Variants in EYA1 observed in about 807,000 individuals in gnomAD.
EYA1 encodes the protein EYA transcriptional coactivator and phosphatase 1, also known as protein phosphatase EYA1.
Under a neutral mutation model 82.0 loss-of-function variants are expected in EYA1, and 16 were observed. The ratio of observed to expected loss-of-function variants is 0.20; its 90% CI spans 0.13 to 0.30. EYA1 has a LOEUF of 0.30. Ranked by LOEUF, EYA1 falls within the 10% of genes least tolerant of loss-of-function variation. EYA1 has a pLI of 1.00. For missense variants in EYA1, 633 were observed against 730.7 expected (o/e 0.87, Z 1.54); for synonymous variants, 261 against 264.4 (o/e 0.99, Z 0.12).
intron 11 of EYA1, among the ~76,000 whole-genome samples, chr8:71,261,156 T>C (rs1217154589): frequency 6.6e-6 from 1 of 152,122 alleles, no homozygotes; most frequent in East Asian, 1.9e-4. Flanking sequence ...GAAACATTGT[T>C]TTTTTAAAAA....
At chr8:71,494,809 C>T (rs1157791699) in intron 2 of EYA1, among the ~76,000 whole-genome samples, 4 of 151,884 alleles carry the variant, frequency 2.6e-5, no homozygotes, top group African/African-American at 7.3e-5. Context: ...ACTGAATTAA[C>T]CATGAGAAAC....
At chr8:71,377,354 C>A (rs1828433903) in intron 2 of EYA1, among the ~76,000 whole-genome samples, 1 of 152,076 alleles carries the variant, frequency 6.6e-6, no homozygotes, top group Non-Finnish European at 1.5e-5. Flanking sequence ...TGGGAGAGAC[C>A]CCAAGCAATA....
chr8:71,469,251 T>C (rs982079945), intron 2 of EYA1, among the ~76,000 whole-genome samples: 2 of 152,238 alleles, frequency 1.3e-5, no homozygotes, highest in East Asian at 3.9e-4. Context: ...ATGTGGTAAG[T>C]ACTGGGTGTG....
intron 2 of EYA1, among the ~76,000 whole-genome samples, chr8:71,523,320 A>G (rs1339702178): frequency 6.6e-6 from 1 of 151,630 alleles, no homozygotes; most frequent in Non-Finnish European, 1.5e-5. Flanking sequence ...CTGGGACTAC[A>G]GGCACCCGCC....
chr8:71,202,709 C>T (rs1807205724), intron 17 of EYA1, among the ~76,000 whole-genome samples: 3 of 152,290 alleles, frequency 2.0e-5, no homozygotes, highest in Admixed American at 2.0e-4. Flanking sequence ...GGGGACACTC[C>T]ACCCACAAGG....
At chr8:71,280,099 A>G (rs1034777999) in intron 9 of EYA1, among the ~76,000 whole-genome samples, 13 of 152,232 alleles carry the variant, frequency 8.5e-5, no homozygotes, top group South Asian at 2.1e-4. Flanking sequence ...GGCCAGGTGC[A>G]GGCACCAAGT....
chr8:71,432,867 C>T (rs557260802), intron 2 of EYA1, among the ~76,000 whole-genome samples: 1 of 152,282 alleles, frequency 6.6e-6, no homozygotes, highest in East Asian at 1.9e-4. Context: ...GACAATGAGA[C>T]ATTGTACAAA....
chr8:71,431,265 G>C (rs1173975523), intron 2 of EYA1, among the ~76,000 whole-genome samples: 3 of 152,156 alleles, frequency 2.0e-5, no homozygotes, highest in African/African-American at 7.2e-5. Flanking sequence ...CTCCCTTCCT[G>C]TAAGTATATT....
At chr8:71,424,478 T>C (rs1466275091) in intron 2 of EYA1, among the ~76,000 whole-genome samples, 1 of 152,242 alleles carries the variant, frequency 6.6e-6, no homozygotes, top group African/African-American at 2.4e-5. Flanking sequence ...ACATGGTATA[T>C]GATAATTTCT....
At chr8:71,294,314 C>T (rs1243138819) in intron 9 of EYA1, among the ~76,000 whole-genome samples, 1 of 151,980 alleles carries the variant, frequency 6.6e-6, no homozygotes, top group Non-Finnish European at 1.5e-5. Context: ...AAAAAATTAG[C>T]CGGGCGTGGT....
At chr8:71,294,468 A>T (rs1178050918) in intron 9 of EYA1, among the ~76,000 whole-genome samples, 1 of 151,708 alleles carries the variant, frequency 6.6e-6, no homozygotes, top group African/African-American at 2.4e-5. Flanking sequence ...AAAAACAAAC[A>T]AACAAAAAAA....
chr8:71,315,539 C>T (rs1464158299), intron 7 of EYA1, among the ~76,000 whole-genome samples: 2 of 152,168 alleles, frequency 1.3e-5, no homozygotes, highest in East Asian at 1.9e-4. Flanking sequence ...TGATGTCTCC[C>T]GGAGGAATCT....
chr8:71,471,574 G>A (rs537315848), intron 2 of EYA1, among the ~76,000 whole-genome samples: 2 of 152,000 alleles, frequency 1.3e-5, no homozygotes, highest in African/African-American at 2.4e-5. Context: ...AAGTGATCTC[G>A]TACTCAATTT....
intron 7 of EYA1, among the ~76,000 whole-genome samples, chr8:71,304,755 G>C (rs1367397848): frequency 7.0e-6 from 1 of 142,678 alleles, no homozygotes; most frequent in Non-Finnish European, 1.6e-5. Flanking sequence ...TATCTGTGTG[G>C]GGTATTTCTG....
At chr8:71,544,132 A>G (rs1365121893) in intron 1 of EYA1, among the ~76,000 whole-genome samples, 1 of 152,080 alleles carries the variant, frequency 6.6e-6, no homozygotes, top group Non-Finnish European at 1.5e-5. Context: ...TTTGACTTTC[A>G]CTCTTTCCTT....
intron 3 of EYA1, 131 bp from the exon 4 acceptor site, chr8:71,334,305 A>G: frequency 1.3e-6 from 1 of 783,660 alleles, no homozygotes; most frequent in South Asian, 1.4e-5. Context: ...CTGAACATAT[A>G]TCATAAGCAT....
chr8:71,274,917 A>C (rs911652157), intron 9 of EYA1, among the ~76,000 whole-genome samples: 1 of 149,198 alleles, frequency 6.7e-6, no homozygotes, highest in Non-Finnish European at 1.5e-5. Context: ...CGAGCGAGAG[A>C]GAGAGAATGA....
rs536789686 is a variant in EYA1 at position 71,527,293 on chromosome 8, T to C, written c.33+8451A>G. 1.4e-3 allele frequency among the ~76,000 whole-genome samples: 212 copies of C among 152,330 alleles called. 1 individual carries two copies. Among genetic ancestry groups the C allele is most frequent in the African/African-American group, 4.8e-3 (199 of 41,574 alleles). On this transcript the variant is annotated intron_variant, in intron 2 of 18. Coordinates refer to the EYA1 transcript ENST00000643681. ...CTTTGATGATTGGTCTTCCTGCCCATCCCTTGGTGACCACCACACATTTAT... is the reference window on the plus strand; with the variant it reads ...CTTTGATGATTGGTCTTCCTGCCCACCCCTTGGTGACCACCACACATTTAT...
chr8:71,296,586 G>C (rs535472884), intron 9 of EYA1, among the ~76,000 whole-genome samples: 1 of 149,966 alleles, frequency 6.7e-6, no homozygotes, highest in Non-Finnish European at 1.5e-5. Flanking sequence ...TAACTCTCCA[G>C]TATTATAAAA....
Sources: gnomAD v4.1 joint callset for allele counts (sites outside exome capture counted in the v4.1 genomes callset) on GRCh38, gnomAD v4.1.1 for gene constraint, MANE v1.5 for transcripts, NCBI Gene and HGNC (gene_info 2026-07-23, HGNC 2026-07-21) for gene names.